Variants in PLCL2 observed in about 807,000 individuals in gnomAD.
The protein encoded by PLCL2 is inactive phospholipase C-like protein 2.
PLCL2 carries 4 observed loss-of-function variants against 79.6 expected under a neutral mutation model. That is an observed-to-expected ratio of 0.05 (90% CI 0.02 to 0.11). The LOEUF is 0.11. Ranked by LOEUF, PLCL2 falls within the 10% of genes least tolerant of loss-of-function variation. The pLI is 1.00. For synonymous variants in PLCL2, 484 were observed against 457.7 expected, an observed-to-expected ratio of 1.06 and a Z score of -0.73; for missense variants, 895 against 1,291.0, an observed-to-expected ratio of 0.69 and a Z score of 4.70.
intron 5 of PLCL2, among the ~76,000 whole-genome samples, chr3:17,077,763 C>T (rs2065121971): frequency 6.6e-6 from 1 of 152,176 alleles, no homozygotes; most frequent in Non-Finnish European, 1.5e-5. Flanking sequence ...GATGCTGGCT[C>T]ACACAAGGGA....
intron 4 of PLCL2, among the ~76,000 whole-genome samples, chr3:17,047,378 G>A (rs1437608385): frequency 3.9e-5 from 2 of 51,252 alleles, no homozygotes; most frequent in East Asian, 1.3e-3. Flanking sequence ...CTGGGAGGAT[G>A]AGAGCAGGAG....
intron 5 of PLCL2, among the ~76,000 whole-genome samples, chr3:17,088,300 A>C (rs1190277402): frequency 2.6e-5 from 4 of 152,174 alleles, no homozygotes; most frequent in Non-Finnish European, 4.4e-5. Context: ...GGAATGCCTT[A>C]AAGGGGACCC....
intron 1 of PLCL2, among the ~76,000 whole-genome samples, chr3:16,975,972 C>T (rs892154064): frequency 6.6e-6 from 1 of 152,112 alleles, no homozygotes; most frequent in African/African-American, 2.4e-5. Flanking sequence ...ACAGTGCCTG[C>T]AGTGCCTTAA....
At position 16,962,494 on chromosome 3, in the gene PLCL2, C is replaced by T. The variant is rs928227001; in HGVS notation, c.328-47180C>T. 2.0e-5 allele frequency among the ~76,000 whole-genome samples: 3 copies of T among 150,306 alleles called. No individual in the cohort carries two copies. The East Asian group carries it at 5.8e-4, about 29-fold the overall frequency. The stretch of plus-strand genomic sequence containing the variant: ...ATTATAGTTCTCAATATTAATAATT[C>T]AGAGTCAATTGTTTTTAATAACCTA... On this transcript the variant is annotated intron_variant, in intron 1 of 5. Coordinates refer to ENST00000615277, the MANE Select transcript of PLCL2 (RefSeq NM_001144382.2).
chr3:16,924,908 A>G (rs1202578968), intron 1 of PLCL2, among the ~76,000 whole-genome samples: 1 of 151,930 alleles, frequency 6.6e-6, no homozygotes, highest in Non-Finnish European at 1.5e-5. Flanking sequence ...TGGAATTTAA[A>G]TCTACAGAAT....
Position 16,887,169 on chromosome 3 carries a change from G to A in PLCL2, c.327+1803G>A, listed in dbSNP as rs547567631. 3.5e-3 allele frequency among the ~76,000 whole-genome samples: 530 copies of A among 152,286 alleles called. 1 individual carries two copies. Among genetic ancestry groups the A allele is most frequent in the Non-Finnish European group, 6.4e-3 (438 of 68,024 alleles). ...GAAGCACATGGGGGAAATGATTAAT[G>A]TTCAAAAATCACTGATTTTAGAAAT... On this transcript the variant is annotated intron_variant, in intron 1 of 5. Coordinates refer to ENST00000615277, the MANE Select transcript of PLCL2 (RefSeq NM_001144382.2). This position sits in a 1 kb window ranked among gnomAD's most constrained non-coding sequence, Gnocchi z 4.1.
rs568028320 is a variant in PLCL2 at position 17,016,716 on chromosome 3, T to A, written c.3018+1805T>A. Among the ~76,000 whole-genome samples the A allele has an allele frequency of 1.1e-4, 17 of 152,334 alleles. No individual in the cohort carries two copies. In the South Asian group the frequency reaches 3.5e-3, roughly 32 times the overall value. ...ATCTTTTACATGCTATGAACCAGAC[T>A]GCCTAAATAGTTCTTGACTTAAGTT... On this transcript the variant is annotated intron_variant, in intron 3 of 5. Transcript: ENST00000615277.
intron 3 of PLCL2, among the ~76,000 whole-genome samples, chr3:17,029,678 T>C (rs1575595023): frequency 6.6e-6 from 1 of 152,132 alleles, no homozygotes; most frequent in Admixed American, 6.5e-5. Flanking sequence ...AGAGAAATTC[T>C]TGAAAGCCAG....
At chr3:16,920,387 A>G (rs1393661833) in intron 1 of PLCL2, among the ~76,000 whole-genome samples, 1 of 152,138 alleles carries the variant, frequency 6.6e-6, no homozygotes, top group African/African-American at 2.4e-5. Flanking sequence ...CATTATTAGT[A>G]TTGTATAATT....
chr3:17,080,462 T>C (rs1350448616), intron 5 of PLCL2, among the ~76,000 whole-genome samples: 1 of 152,192 alleles, frequency 6.6e-6, no homozygotes, highest in Admixed American at 6.5e-5. Context: ...ATTCTTCTTT[T>C]TTTTTCCAGA....
intron 2 of PLCL2, among the ~76,000 whole-genome samples, chr3:17,013,041 G>A (rs1467228281): frequency 3.9e-5 from 6 of 152,162 alleles, no homozygotes; most frequent in Admixed American, 2.6e-4. Context: ...TGTGTACTTC[G>A]TGAATAAAAG....
intron 3 of PLCL2, among the ~76,000 whole-genome samples, chr3:17,032,602 A>T (rs1381265631): frequency 2.0e-5 from 3 of 151,914 alleles, no homozygotes; most frequent in African/African-American, 7.3e-5. Context: ...ATTACTAAGG[A>T]CTTCTAGTGG....
intron 1 of PLCL2, among the ~76,000 whole-genome samples, chr3:16,903,998 G>A (rs1696690530): frequency 6.6e-6 from 1 of 152,184 alleles, no homozygotes; most frequent in Non-Finnish European, 1.5e-5. Context: ...CAGCTTTTGT[G>A]ATCTTTTTTC....
rs973772622 is a variant in PLCL2, at chr3:16,898,904, C to T, written c.327+13538C>T. Among the ~76,000 whole-genome samples the T allele has an allele frequency of 7.6e-4, 115 of 152,312 alleles. 1 individual carries two copies. Among genetic ancestry groups the T allele is most frequent in the Non-Finnish European group, 1.5e-3 (100 of 68,020 alleles). On this transcript the variant is annotated intron_variant, in intron 1 of 5. Coordinates refer to ENST00000615277, the MANE Select transcript of PLCL2 (RefSeq NM_001144382.2). Reference sequence around the variant, plus strand: ...GATTGCTTGGGGCCAGAGGCCCCAGCCAGCTGTGGCAGGGGTTGGAGGGTG... The same window carrying T: ...GATTGCTTGGGGCCAGAGGCCCCAGTCAGCTGTGGCAGGGGTTGGAGGGTG...
Position 17,058,374 on chromosome 3 carries a change from G to A in PLCL2, c.3095-9582G>A, listed in dbSNP as rs148009810. Among the ~76,000 whole-genome samples, 379 of 152,246 alleles carry A rather than the reference G, an allele frequency of 2.5e-3. 2 individuals carry two copies. Among genetic ancestry groups the A allele is most frequent in the African/African-American group, 8.6e-3 (358 of 41,554 alleles). ...GTTAGACTGCATGTAAAAGAATTTC[G>A]TATGGCAAAAACAAACATTCTGAAG... On this transcript the variant is annotated intron_variant, in intron 4 of 5. Coordinates refer to ENST00000615277, the MANE Select transcript of PLCL2 (RefSeq NM_001144382.2).
At chr3:17,020,242 T>C (rs917126279) in intron 3 of PLCL2, among the ~76,000 whole-genome samples, 1 of 152,148 alleles carries the variant, frequency 6.6e-6, no homozygotes, top group Non-Finnish European at 1.5e-5. Flanking sequence ...ACATTGAAAA[T>C]TTAAATATTT....
intron 1 of PLCL2, among the ~76,000 whole-genome samples, chr3:16,917,147 G>A (rs1411671856): frequency 1.3e-5 from 2 of 152,114 alleles, no homozygotes; most frequent in African/African-American, 4.8e-5. Flanking sequence ...ATTTTGTTAA[G>A]GACACACATC....
chr3:17,057,601 G>A (rs1328381372), intron 4 of PLCL2, among the ~76,000 whole-genome samples: 1 of 152,230 alleles, frequency 6.6e-6, no homozygotes, highest in Non-Finnish European at 1.5e-5. Flanking sequence ...TTCAGATAGA[G>A]ATGAGGCCTA....
chr3:16,917,937 T>G (rs1697034974), intron 1 of PLCL2, among the ~76,000 whole-genome samples: 1 of 152,172 alleles, frequency 6.6e-6, no homozygotes, highest in Admixed American at 6.5e-5. Flanking sequence ...ATGTTTTGAT[T>G]CCATAATGCC....
Sources: allele counts gnomAD v4.1 joint callset (sites outside exome capture counted in the v4.1 genomes callset), GRCh38; gene constraint gnomAD v4.1.1; non-coding constraint Gnocchi (gnomAD v3.1); transcripts MANE v1.5; gene names NCBI Gene and HGNC (gene_info 2026-07-23, HGNC 2026-07-21).